Variants in HLTF observed in about 807,000 individuals in gnomAD.
HLTF encodes helicase like transcription factor.
A neutral mutation model predicts 129.4 loss-of-function variants in HLTF; 127 were observed. That is an observed-to-expected ratio of 0.98 (90% confidence interval 0.85 to 1.14). HLTF has a LOEUF of 1.14. Ranked by LOEUF, HLTF falls within the 50% of genes most tolerant of loss-of-function variation. The pLI is 0.00. For synonymous variants in HLTF, 332 were observed against 388.8 expected, an observed-to-expected ratio of 0.85 and a Z score of 1.72; for missense variants, 1,139 against 1,187.1, an observed-to-expected ratio of 0.96 and a Z score of 0.60.
At chr3:149,066,063 TGAGACA>T (rs1718356606) in intron 8 of HLTF, among the ~76,000 whole-genome samples, 1 of 151,952 alleles carries the variant, frequency 6.6e-6, no homozygotes, top group South Asian at 2.1e-4. Flanking sequence ...TTTTTTTTTC[TGAGACA>T]GAGTTTCACT....
At chr3:149,033,427 G>T (rs755725000) in intron 24 of HLTF, among the ~76,000 whole-genome samples, 8 of 151,938 alleles carry the variant, frequency 5.3e-5, no homozygotes, top group African/African-American at 9.7e-5. Context: ...TTCAATTCAA[G>T]AGCAATAATA....
rs1256843944 is a variant in HLTF at position 149,086,434 on chromosome 3, C to T, written c.-98G>A. The T allele has an allele frequency of 4.2e-6, 6 of 1,424,190 alleles. No homozygotes were observed. Among genetic ancestry groups the T allele is most frequent in the Non-Finnish European group, 5.8e-6 (6 of 1,038,254 alleles). 88.2% of individuals were successfully genotyped at this position (1,424,190 alleles called of 1,614,324 possible). On this transcript the variant is annotated 5_prime_UTR_variant, in exon 1 of 25. Transcript: ENST00000310053. ...CTTCCAGGCCCCGCAGCCCTGAAGC[C>T]GGGGACAAATTCCGAGCGCCGGATC...
At chr3:149,072,972 G>A (rs531430043) in intron 5 of HLTF, among the ~76,000 whole-genome samples, 67 of 152,126 alleles carry the variant, frequency 4.4e-4, no homozygotes, top group South Asian at 3.5e-3. Flanking sequence ...AAAATATGCC[G>A]TGCATAAACA....
At chr3:149,072,086 A>T (rs1212670792) in intron 5 of HLTF, among the ~76,000 whole-genome samples, 4 of 152,334 alleles carry the variant, frequency 2.6e-5, no homozygotes, top group Non-Finnish European at 5.9e-5. Context: ...AATTAAATTT[A>T]AAAACCACAA....
At chr3:149,072,215 C>T (rs940832062) in intron 5 of HLTF, among the ~76,000 whole-genome samples, 1 of 152,108 alleles carries the variant, frequency 6.6e-6, no homozygotes, top group Non-Finnish European at 1.5e-5. Flanking sequence ...AATTTTAAGT[C>T]CCGAGTTTCA....
At chr3:149,043,717 G>A (rs369776457) in intron 18 of HLTF, among the ~76,000 whole-genome samples, 2 of 152,084 alleles carry the variant, frequency 1.3e-5, no homozygotes, top group African/African-American at 4.8e-5. Flanking sequence ...ATAGCCTAAC[G>A]GCTAAGAGTA....
intron 21 of HLTF, 81 bp from the exon 22 acceptor site, chr3:149,039,774 G>T: frequency 1.3e-6 from 1 of 774,400 alleles, no homozygotes; most frequent in Non-Finnish European, 2.0e-6. Flanking sequence ...ATAAAGAAAA[G>T]GTCCTGAAAT....
rs764359762 is a variant in HLTF, at chr3:149,063,476, T to G, written c.1115A>C (p.Lys372Thr). 1 of 1,611,588 alleles carries G rather than the reference T, an allele frequency of 6.2e-7. No homozygotes were observed. The highest frequency in any genetic ancestry group is 8.5e-7 in the Non-Finnish European group (1 of 1,177,786). ...CAATTCTGACATGCGAAACTTACTC[T>G]TCTCCTTGATATCTGAAATACTGGG... ...EQPSISDIKE[K>T]SKFRMSELSS... Residue 372 changes from lysine (K) to threonine (T), a missense_variant, in exon 10 of 25, where the codon AAG becomes ACG. Transcript: ENST00000310053.
intron 14 of HLTF, among the ~76,000 whole-genome samples, chr3:149,053,159 T>C (rs1003420935): frequency 1.3e-5 from 2 of 152,208 alleles, no homozygotes; most frequent in Non-Finnish European, 2.9e-5. Flanking sequence ...AGGAAGACGG[T>C]ATCTTGTTCA....
chr3:149,075,772 G>C (rs1050800831), intron 3 of HLTF, 109 bp downstream of exon 3: 12 of 595,116 alleles, frequency 2.0e-5, no homozygotes, highest in Non-Finnish European at 3.1e-5. Context: ...CAAAAGTACA[G>C]TGATAGAAAT....
At chr3:149,059,912 T>C in intron 12 of HLTF, 105 bp from the exon 13 acceptor site, 1 of 696,216 alleles carries the variant, frequency 1.4e-6, no homozygotes, top group Non-Finnish European at 2.4e-6. Flanking sequence ...TCACCCTCTA[T>C]TGTAAGAGCT....
At chr3:149,041,350 T>G in intron 20 of HLTF, 140 bp downstream of exon 20, 1 of 457,282 alleles carries the variant, frequency 2.2e-6, no homozygotes, top group East Asian at 3.4e-5. Flanking sequence ...ATATATCACC[T>G]ATTAAAATAC....
At chr3:149,071,758 T>A in intron 5 of HLTF, 101 bp from the exon 6 acceptor site, 1 of 782,654 alleles carries the variant, frequency 1.3e-6, no homozygotes, top group Non-Finnish European at 2.1e-6. Flanking sequence ...GGCGTTAATG[T>A]CAAACGGGCC....
At chr3:149,034,799 G>A (rs770882459) in intron 24 of HLTF, 119 bp downstream of exon 24, 12 of 666,258 alleles carry the variant, frequency 1.8e-5, no homozygotes, top group Admixed American at 7.6e-5. Context: ...GAGGAAAAAG[G>A]TGACTTATAT....
At chr3:149,035,720 T>G (rs921096954) in intron 23 of HLTF, among the ~76,000 whole-genome samples, 1 of 141,304 alleles carries the variant, frequency 7.1e-6, no homozygotes, top group Admixed American at 7.4e-5. Flanking sequence ...AAAAATTATT[T>G]TTTTGTTGAT....
intron 2 of HLTF, among the ~76,000 whole-genome samples, chr3:149,077,784 A>G (rs1356245982): frequency 2.6e-5 from 4 of 152,050 alleles, no homozygotes; most frequent in Non-Finnish European, 4.4e-5. Context: ...GTGAAAGCTA[A>G]AGCAGAGTTG....
At chr3:149,053,797 T>A (rs1224388099) in intron 14 of HLTF, among the ~76,000 whole-genome samples, 1 of 152,128 alleles carries the variant, frequency 6.6e-6, no homozygotes, top group Non-Finnish European at 1.5e-5. Context: ...TAAAAATACA[T>A]CTCTATACCC....
chr3:149,066,651 A>G (rs1718405245), intron 8 of HLTF, among the ~76,000 whole-genome samples: 1 of 152,090 alleles, frequency 6.6e-6, no homozygotes, highest in Non-Finnish European at 1.5e-5. Context: ...TAAATATATA[A>G]CTTATCTTGG....
chr3:149,082,103 A>G (rs1425083478), intron 2 of HLTF, among the ~76,000 whole-genome samples: 1 of 152,242 alleles, frequency 6.6e-6, no homozygotes, highest in Non-Finnish European at 1.5e-5. Flanking sequence ...TTAAAATAGT[A>G]CATACTGTAG....
Sources: gnomAD v4.1 joint callset for allele counts (sites outside exome capture counted in the v4.1 genomes callset) on GRCh38, gnomAD v4.1.1 for gene constraint, MANE v1.5 for transcripts, NCBI Gene and HGNC (gene_info 2026-07-23, HGNC 2026-07-21) for gene names.